Variants in CD59 observed in about 807,000 individuals in gnomAD.
CD59 encodes CD59 molecule (CD59 blood group), also known as CD59 glycoprotein.
CD59 carries 3 observed loss-of-function variants against 7.0 expected under a neutral mutation model. The observed-to-expected ratio is 0.43, with a 90% CI of 0.19 to 1.10. The LOEUF is 1.10. CD59 is among the 50% of genes least tolerant of loss of function. CD59 has a pLI of 0.29. For missense variants in CD59, 143 were observed against 151.0 expected, an observed-to-expected ratio of 0.95 and a Z score of 0.28; for synonymous variants, 60 against 62.0, an observed-to-expected ratio of 0.97 and a Z score of 0.15.
At chr11:33,710,436 G>A in intron 3 of CD59, 93 bp from the exon 4 acceptor site, 1 of 1,015,814 alleles carries the variant, frequency 9.8e-7, no homozygotes, top group East Asian at 2.4e-5. Context: ...TGTATCCTGT[G>A]CAAGTAGAGA....
rs1564969193 is a variant in CD59, at chr11:33,710,464, C to T, written c.170-121G>A. On this transcript the variant is annotated intron_variant, in intron 3 of 3. Transcript: ENST00000642928. ...AGTAGAGACTTCTAGGCAAGATGCT[C>T]ATCCCAGGTGGGTTGTAAAGGAGAA... 3 of 785,856 alleles carry T rather than the reference C, an allele frequency of 3.8e-6. No homozygotes were observed. The East Asian group carries it at 7.6e-5, about 20-fold the overall frequency. 48.7% of individuals were successfully genotyped at this position (785,856 alleles called of 1,614,324 possible).
rs1164185018 is a variant in CD59 at position 33,703,541 on chromosome 11, G to GAC, written c.*6584_*6585insGT. ...CCTGGTTTCATTTGGAACCAACTGAGAGACACAAGTCCCTCTTCGTTGATC... is the reference window on the plus strand; with the variant it reads ...CCTGGTTTCATTTGGAACCAACTGAGACAGACACAAGTCCCTCTTCGTTGATC... On this transcript the variant is annotated 3_prime_UTR_variant, in exon 4 of 4. Coordinates refer to ENST00000642928, the MANE Select transcript of CD59 (RefSeq NM_000611.6). 2.0e-5 allele frequency: 3 copies of GAC among 152,362 alleles called. No individual in the cohort carries two copies. The highest frequency in any genetic ancestry group is 2.1e-4 in the South Asian group (1 of 4,820). The allele number at this position is 152,362 out of a possible 1,614,324, so 9.4% of individuals were successfully genotyped here. A position where few individuals can be genotyped will look rare whatever the true frequency, so the allele number is the denominator to read the frequency against.
chr11:33,717,589 G>A (rs1413330863), intron 2 of CD59, 118 bp from the exon 3 acceptor site: 20 of 710,510 alleles, frequency 2.8e-5, no homozygotes, highest in South Asian at 1.5e-4. Flanking sequence ...TTCCACTCCC[G>A]CACAAATGTA....
At chr11:33,735,881 A>T (rs1590551915) in intron 1 of CD59, among the ~76,000 whole-genome samples, 1 of 149,336 alleles carries the variant, frequency 6.7e-6, no homozygotes, top group Non-Finnish European at 1.5e-5. Flanking sequence ...GCGCCACTGC[A>T]CTCCAGCCTG....
chr11:33,722,510 G>A (rs974179173), intron 1 of CD59, 47 bp from the exon 2 acceptor site: 1 of 1,607,634 alleles, frequency 6.2e-7, no homozygotes, highest in Non-Finnish European at 8.5e-7. Context: ...ACAAATGACT[G>A]CTGGTTGTCT....
chr11:33,710,085 G>T lies in CD59; in HGVS notation c.*41C>A. ...GTGGCAGCAAGAGAAAGCGGACTAC[G>T]CAGGAACGGGGAGTTTGGGAGAAGC... On this transcript the variant is annotated 3_prime_UTR_variant, in exon 4 of 4. Coordinates refer to ENST00000642928, the MANE Select transcript of CD59 (RefSeq NM_000611.6). 1 of 1,425,528 alleles carries T rather than the reference G, an allele frequency of 7.0e-7. No homozygotes were observed. Among genetic ancestry groups the T allele is most frequent in the Non-Finnish European group, 9.8e-7 (1 of 1,017,614 alleles). 88.3% of individuals were successfully genotyped at this position (1,425,528 alleles called of 1,614,324 possible).
In CD59 at chr11:33,736,204, G is replaced by A. The variant is rs1387469598; in HGVS notation, c.-19+178C>T. ...ATAAAATGAAGCCAGCGTTCGGCTA[G>A]GACACCGGGCCGCGGTGACGGGTTG... is the stretch of plus-strand genomic sequence containing the variant. On this transcript the variant is annotated intron_variant, in intron 1 of 3. Coordinates refer to ENST00000642928, the MANE Select transcript of CD59 (RefSeq NM_000611.6). This position sits in a 1 kb window ranked among gnomAD's most constrained non-coding sequence, Gnocchi z 4.4. Among the ~76,000 whole-genome samples, 1 of 152,174 alleles carries A rather than the reference G, an allele frequency of 6.6e-6. No individual in the cohort carries two copies. Among genetic ancestry groups the A allele is most frequent in the East Asian group, 1.9e-4 (1 of 5,180 alleles).
Position 33,703,891 on chromosome 11 carries a change from T to G in CD59, c.*6235A>C, listed in dbSNP as rs1853201811. The G allele has an allele frequency of 1.3e-5, 2 of 152,274 alleles. No homozygotes were observed. The highest frequency in any genetic ancestry group is 3.8e-4 in the East Asian group (2 of 5,202). 9.4% of individuals were successfully genotyped at this position (152,274 alleles called of 1,614,324 possible). A position where few individuals can be genotyped will look rare whatever the true frequency, so the allele number is the denominator to read the frequency against. ...TTTAACCGAGGCTGACTCATTGCAG[T>G]TGGCACTAATTTTCCATTGCCACAG... On this transcript the variant is annotated 3_prime_UTR_variant, in exon 4 of 4. Coordinates refer to ENST00000642928, the MANE Select transcript of CD59 (RefSeq NM_000611.6).
chr11:33,732,168 C>G (rs111705441), intron 1 of CD59, among the ~76,000 whole-genome samples: 55 of 150,480 alleles, frequency 3.7e-4, no homozygotes, highest in Admixed American at 7.9e-4. Context: ...TACAAATTAC[C>G]CAGTCTTCGG....
chr11:33,725,611 C>G (rs1590540155), intron 1 of CD59, among the ~76,000 whole-genome samples: 1 of 152,066 alleles, frequency 6.6e-6, no homozygotes, highest in Non-Finnish European at 1.5e-5. Context: ...CTGGGTGGTG[C>G]GTAAGTTGAC....
At chr11:33,722,767 C>T in intron 1 of CD59, 1 of 1,097,126 alleles carries the variant, frequency 9.1e-7, no homozygotes, top group Non-Finnish European at 1.2e-6. Flanking sequence ...CACTGTGGTT[C>T]CCACTCTACT....
At position 33,730,154 on chromosome 11, in the gene CD59, C is replaced by A. The variant is rs142174728; in HGVS notation, c.-19+6228G>T. Among the ~76,000 whole-genome samples, 1,307 of 152,076 alleles carry A rather than the reference C, an allele frequency of 8.6e-3. 22 individuals are homozygous for A. Among genetic ancestry groups the A allele is most frequent in the African/African-American group, 0.03 (1,238 of 41,450 alleles). On this transcript the variant is annotated intron_variant, in intron 1 of 3. Transcript: ENST00000642928. ...ATAAAGTTAAAATGTGTCAGCCAGG[C>A]ATGGTGGATCTTGCCTGTAATTTCA...
At chr11:33,724,663 G>A (rs1465783106) in intron 1 of CD59, among the ~76,000 whole-genome samples, 1 of 152,130 alleles carries the variant, frequency 6.6e-6, no homozygotes, top group African/African-American at 2.4e-5. Flanking sequence ...GATGTGAGGT[G>A]AGGAAGCCAG....
intron 1 of CD59, among the ~76,000 whole-genome samples, chr11:33,735,328 C>A (rs1456333556): frequency 6.6e-6 from 1 of 152,224 alleles, no homozygotes; most frequent in Non-Finnish European, 1.5e-5. Context: ...TTTTACCCAT[C>A]AAGTGCTGTT....
chr11:33,735,747 T>C (rs1001063198), intron 1 of CD59, among the ~76,000 whole-genome samples: 12 of 151,886 alleles, frequency 7.9e-5, no homozygotes, highest in African/African-American at 2.7e-4. Flanking sequence ...AAAACCCCGT[T>C]TCTACTAAAA....
chr11:33,720,081 A>G (rs1853986687), intron 2 of CD59, among the ~76,000 whole-genome samples: 1 of 152,212 alleles, frequency 6.6e-6, no homozygotes, highest in African/African-American at 2.4e-5. Flanking sequence ...GCTAAAACCC[A>G]TGGTTGGAAC....
At position 33,703,135 on chromosome 11, in the gene CD59, C is replaced by T. The variant is rs1853164563; in HGVS notation, c.*6991G>A. 6.6e-6 allele frequency: 1 copy of T among 152,064 alleles called. No individual in the cohort carries two copies. Among genetic ancestry groups the T allele is most frequent in the Admixed American group, 6.6e-5 (1 of 15,260 alleles). 9.4% of individuals were successfully genotyped at this position (152,064 alleles called of 1,614,324 possible). On this transcript the variant is annotated 3_prime_UTR_variant, in exon 4 of 4. Coordinates refer to ENST00000642928, the MANE Select transcript of CD59 (RefSeq NM_000611.6). ...CCCCCTTACTCCAAGATAATCTAAA[C>T]AGATTTTACTCTGGATGGCTTAATT...
chr11:33,717,172 A>T (rs946110583), intron 3 of CD59, among the ~76,000 whole-genome samples, 198 bp downstream of exon 3: 2 of 152,232 alleles, frequency 1.3e-5, no homozygotes, highest in African/African-American at 2.4e-5. Context: ...ATCAAATGGA[A>T]ATAAAAGATC....
chr11:33,722,801 G>C, intron 1 of CD59: 2 of 968,638 alleles, frequency 2.1e-6, no homozygotes, highest in Non-Finnish European at 2.7e-6. Context: ...GCTGCTGGCT[G>C]AAAGAGAGGG....
Sources: allele counts gnomAD v4.1 joint callset (sites outside exome capture counted in the v4.1 genomes callset), GRCh38; gene constraint gnomAD v4.1.1; non-coding constraint Gnocchi (gnomAD v3.1); transcripts MANE v1.5; gene names NCBI Gene and HGNC (gene_info 2026-07-23, HGNC 2026-07-21).